Variants in VRTN observed in about 807,000 individuals in gnomAD.
The protein encoded by VRTN is vertnin.
A neutral mutation model predicts 18.2 loss-of-function variants in VRTN; 5 were observed. That is an observed-to-expected ratio of 0.27 (90% CI 0.14 to 0.58). VRTN has a LOEUF of 0.58. Among genes scored for constraint, VRTN ranks in the 20% least tolerant of loss-of-function variants. The pLI is 0.91. For missense variants in VRTN, 741 were observed against 939.4 expected, an observed-to-expected ratio of 0.79 and a Z score of 2.76; for synonymous variants, 381 against 393.7, an observed-to-expected ratio of 0.97 and a Z score of 0.38.
rs67822776 is a variant in VRTN at position 74,303,843 on chromosome 14, A to ATTTTTTTTTTT, written c.-164+682_-164+692dup. ...TAGGTCAATCAGTTGACAATTACAG[A>ATTTTTTTTTTT]TTTTTTTTTTTTTTTTTTTTTTTTT... is the stretch of plus-strand genomic sequence containing the variant. On this transcript the variant is annotated intron_variant, in intron 1 of 2. Transcript: ENST00000557177. 5.1e-4 allele frequency among the ~76,000 whole-genome samples: 45 copies of ATTTTTTTTTTT among 88,500 alleles called. 2 individuals are homozygous for ATTTTTTTTTTT. The highest frequency in any genetic ancestry group is 2.2e-3 in the African/African-American group (43 of 19,344). The allele number at this position is 88,500 out of a possible 152,430, so 58.1% of individuals were successfully genotyped here.
intron 1 of VRTN, among the ~76,000 whole-genome samples, chr14:74,309,967 G>C (rs904195901): frequency 1.3e-4 from 19 of 151,954 alleles, no homozygotes; most frequent in South Asian, 8.3e-4. Flanking sequence ...AAGGACAAAG[G>C]GTCAATCACA....
intron 1 of VRTN, among the ~76,000 whole-genome samples, chr14:74,336,635 C>T (rs2085566466): frequency 6.6e-6 from 1 of 152,100 alleles, no homozygotes; most frequent in Non-Finnish European, 1.5e-5. Context: ...TCTATTGACA[C>T]ATCAGTAGTG....
At chr14:74,321,275 T>C (rs1320760882) in intron 1 of VRTN, among the ~76,000 whole-genome samples, 1 of 152,202 alleles carries the variant, frequency 6.6e-6, no homozygotes, top group Non-Finnish European at 1.5e-5. Context: ...ATTGAATACT[T>C]ACTAAGTAGG....
At chr14:74,340,244 C>G (rs1321699496) in intron 2 of VRTN, among the ~76,000 whole-genome samples, 1 of 151,988 alleles carries the variant, frequency 6.6e-6, no homozygotes, top group Non-Finnish European at 1.5e-5. Context: ...TCCCTAGTAG[C>G]TGGGATTATA....
At chr14:74,333,855 A>T (rs920327899) in intron 1 of VRTN, among the ~76,000 whole-genome samples, 16 of 146,132 alleles carry the variant, frequency 1.1e-4, no homozygotes, top group African/African-American at 2.5e-4. Flanking sequence ...AAAATAAATA[A>T]AAATAAATAA....
intron 1 of VRTN, among the ~76,000 whole-genome samples, chr14:74,323,922 A>G (rs187184276): frequency 9.1e-4 from 139 of 152,318 alleles, no homozygotes; most frequent in African/African-American, 3.3e-3. Flanking sequence ...TGTTTGCTGA[A>G]TCTGGCAACC....
upstream of VRTN, among the ~76,000 whole-genome samples, chr14:74,347,907 G>C (rs532096441): frequency 3.2e-4 from 48 of 152,220 alleles, no homozygotes; most frequent in Admixed American, 6.5e-4. Flanking sequence ...GGGATGCTCA[G>C]AGAATGGTGG....
chr14:74,320,485 A>T (rs1339399618), intron 1 of VRTN, among the ~76,000 whole-genome samples: 1 of 137,900 alleles, frequency 7.3e-6, no homozygotes, highest in Admixed American at 7.6e-5. Flanking sequence ...GATGGTCTCG[A>T]TCTCCTGACC....
chr14:74,356,793 C>A lies in VRTN; in HGVS notation c.10C>A (p.Arg4=), dbSNP rs765470705. The A allele has an allele frequency of 6.3e-7, 1 of 1,589,180 alleles. No individual in the cohort carries two copies. The highest frequency in any genetic ancestry group is 8.6e-7 in the Non-Finnish European group (1 of 1,166,372). MTS[R]NQLVQKVLQE... ...CTTTTGCCCTGGCAGGATGACTTCTCGGAACCAGCTGGTGCAGAAGGTGCT... is the reference window on the plus strand; with the variant it reads ...CTTTTGCCCTGGCAGGATGACTTCTAGGAACCAGCTGGTGCAGAAGGTGCT... Residue 4 remains arginine, a synonymous_variant, in exon 2 of 2, where the codon CGG becomes AGG. Transcript: ENST00000256362.
At chr14:74,340,207 G>GCAAC (rs2085593275) in intron 2 of VRTN, among the ~76,000 whole-genome samples, 1 of 150,766 alleles carries the variant, frequency 6.6e-6, no homozygotes, top group Non-Finnish European at 1.5e-5. Context: ...CCGCCTCCCA[G>GCAAC]GTTCAAGCGA....
chr14:74,317,903 A>C (rs1214691208), intron 1 of VRTN, among the ~76,000 whole-genome samples: 1 of 152,234 alleles, frequency 6.6e-6, no homozygotes, highest in Non-Finnish European at 1.5e-5. Context: ...ACATGGGAGT[A>C]TTGCTTGAAG....
chr14:74,335,154 G>A (rs1218854394), intron 1 of VRTN, among the ~76,000 whole-genome samples: 2 of 152,168 alleles, frequency 1.3e-5, no homozygotes, highest in Non-Finnish European at 2.9e-5. Context: ...GGTGGTGCAT[G>A]CCTGCAATCC....
At chr14:74,345,713 C>G (rs2085639630), upstream of VRTN, among the ~76,000 whole-genome samples, 1 of 150,296 alleles carries the variant, frequency 6.7e-6, no homozygotes, top group Non-Finnish European at 1.5e-5. Flanking sequence ...CACCTGTGGT[C>G]AGGAGTTCGA....
At chr14:74,352,165 A>ATTTTTT in intron 1 of VRTN, among the ~76,000 whole-genome samples, 1 of 143,636 alleles carries the variant, frequency 7.0e-6, no homozygotes, top group African/African-American at 2.6e-5. Flanking sequence ...AGTACTTTTA[A>ATTTTTT]TTTTTTTTAT....
intron 1 of VRTN, among the ~76,000 whole-genome samples, chr14:74,328,175 C>T (rs763991857): frequency 3.3e-5 from 5 of 152,156 alleles, no homozygotes; most frequent in African/African-American, 4.8e-5. Flanking sequence ...GCCAATATAT[C>T]AAAAGGTACC....
chr14:74,316,477 C>T (rs1450858288), intron 1 of VRTN, among the ~76,000 whole-genome samples: 1 of 151,544 alleles, frequency 6.6e-6, no homozygotes, highest in African/African-American at 2.4e-5. Context: ...CACGCCACTG[C>T]ACTCCAGCCT....
intron 2 of VRTN, among the ~76,000 whole-genome samples, chr14:74,339,387 A>G (rs1456694458): frequency 6.6e-6 from 1 of 152,134 alleles, no homozygotes; most frequent in African/African-American, 2.4e-5. Flanking sequence ...GTGGTCATCC[A>G]TCTCTTGGTA....
intron 1 of VRTN, 150 bp from the exon 2 acceptor site, chr14:74,356,633 G>A: frequency 8.7e-7 from 1 of 1,144,584 alleles, no homozygotes. Flanking sequence ...GTACCATTCA[G>A]TGATGAACCA....
intron 1 of VRTN, among the ~76,000 whole-genome samples, chr14:74,303,918 A>G (rs1447729079): frequency 7.4e-6 from 1 of 135,756 alleles, no homozygotes; most frequent in Non-Finnish European, 1.5e-5. Context: ...ATGGCGCGAT[A>G]TCGGCTCACG....
Sources: gnomAD v4.1 joint callset for allele counts (sites outside exome capture counted in the v4.1 genomes callset) on GRCh38, gnomAD v4.1.1 for gene constraint, MANE v1.5 for transcripts, NCBI Gene and HGNC (gene_info 2026-07-23, HGNC 2026-07-21) for gene names.